The following DOK6 variants were observed in gnomAD, a reference collection of about 807,000 sequenced individuals.
The protein encoded by DOK6 is docking protein 6, also known as downstream of tyrosine kinase 6.
DOK6 carries 22 observed loss-of-function variants against 44.0 expected under a neutral mutation model. The observed-to-expected ratio is 0.50, with a 90% CI of 0.36 to 0.71. DOK6 has a LOEUF of 0.71. Ranked by LOEUF, DOK6 falls within the 30% of genes least tolerant of loss-of-function variation. The probability of loss-of-function intolerance (pLI) is 0.00; values close to 1 mark genes in which losing one functional copy is unlikely to be tolerated. For missense variants in DOK6, 340 were observed against 416.4 expected (o/e 0.82, Z 1.60); for synonymous variants, 166 against 145.5 (o/e 1.14, Z -1.01).
chr18:69,496,325 G>A (rs1450975251), intron 1 of DOK6, among the ~76,000 whole-genome samples: 1 of 152,242 alleles, frequency 6.6e-6, no homozygotes, highest in Non-Finnish European at 1.5e-5. Context: ...AGCTGCAGCT[G>A]CATACCGGGA....
At chr18:69,812,409 A>G (rs1415374893) in intron 7 of DOK6, among the ~76,000 whole-genome samples, 1 of 152,172 alleles carries the variant, frequency 6.6e-6, no homozygotes, top group Admixed American at 6.6e-5. Flanking sequence ...AAAATCTTTA[A>G]GAACAAATTG....
chr18:69,729,007 C>CA (rs1200710290), intron 5 of DOK6, among the ~76,000 whole-genome samples: 3 of 152,160 alleles, frequency 2.0e-5, no homozygotes, highest in African/African-American at 7.2e-5. Flanking sequence ...ATCAGATTTC[C>CA]ATGGGGTCAG....
intron 2 of DOK6, among the ~76,000 whole-genome samples, chr18:69,593,585 A>C (rs1349579613): frequency 6.6e-6 from 1 of 152,208 alleles, no homozygotes; most frequent in Non-Finnish European, 1.5e-5. Context: ...TAAATTTTAC[A>C]GAAGAGCAAA....
intron 3 of DOK6, among the ~76,000 whole-genome samples, chr18:69,645,428 T>C (rs1004853203): frequency 6.6e-6 from 1 of 152,182 alleles, no homozygotes; most frequent in Non-Finnish European, 1.5e-5. Flanking sequence ...TTCAATATAA[T>C]ACACACAGTG....
intron 7 of DOK6, among the ~76,000 whole-genome samples, chr18:69,830,929 TA>T (rs1981883496): frequency 6.6e-6 from 1 of 152,184 alleles, no homozygotes; most frequent in African/African-American, 2.4e-5. Context: ...TCTGAGCTTC[TA>T]ATTTATTTTT....
chr18:69,676,433 C>T (rs1985924058), intron 3 of DOK6, among the ~76,000 whole-genome samples: 1 of 151,870 alleles, frequency 6.6e-6, no homozygotes, highest in Non-Finnish European at 1.5e-5. Context: ...CAAGGAGAGC[C>T]CAGTGTTGGT....
At chr18:69,636,470 G>A (rs1984811991) in intron 3 of DOK6, among the ~76,000 whole-genome samples, 1 of 152,278 alleles carries the variant, frequency 6.6e-6, no homozygotes, top group South Asian at 2.1e-4. Flanking sequence ...AGCCATCCAG[G>A]CACATCCAGG....
chr18:69,445,934 A>T (rs1353513192), intron 1 of DOK6, among the ~76,000 whole-genome samples: 1 of 152,092 alleles, frequency 6.6e-6, no homozygotes, highest in Non-Finnish European at 1.5e-5. Context: ...TTTATATAAG[A>T]TCTGTAGTAA....
rs192448773 is a variant in DOK6 at position 69,757,631 on chromosome 18, G to A, written c.739-125G>A. 1.8e-4 allele frequency: 133 copies of A among 719,294 alleles called. 1 individual carries two copies. In the African/African-American group the frequency reaches 2.0e-3, roughly 11 times the overall value. 44.6% of individuals were successfully genotyped at this position (719,294 alleles called of 1,614,324 possible). On this transcript the variant is annotated intron_variant, in intron 6 of 7. Transcript: ENST00000382713. ...TACTTTAAAAGTTATCCTTACACCG[G>A]GGATCATGCAGGTATCTATAGCAGA...
intron 4 of DOK6, among the ~76,000 whole-genome samples, chr18:69,682,897 C>T (rs775653307): frequency 2.2e-4 from 33 of 152,132 alleles, no homozygotes; most frequent in Non-Finnish European, 1.0e-4. Context: ...CTCAATCAGG[C>T]AAGTCTGAAA....
intron 7 of DOK6, among the ~76,000 whole-genome samples, chr18:69,760,275 G>C (rs1166777833): frequency 6.6e-6 from 1 of 152,122 alleles, no homozygotes; most frequent in Non-Finnish European, 1.5e-5. Flanking sequence ...AATAAAAAGA[G>C]AAATTCAGAA....
intron 3 of DOK6, among the ~76,000 whole-genome samples, chr18:69,644,462 T>C (rs1985020241): frequency 6.6e-6 from 1 of 152,218 alleles, no homozygotes. Flanking sequence ...AAGTCAAGAT[T>C]ATCCTGCCTA....
At chr18:69,607,154 T>C (rs1472916023) in intron 3 of DOK6, among the ~76,000 whole-genome samples, 1 of 152,180 alleles carries the variant, frequency 6.6e-6, no homozygotes, top group African/African-American at 2.4e-5. Flanking sequence ...TAGGCCCTTT[T>C]TGAACAACCA....
At chr18:69,532,450 G>T (rs1205374393) in intron 1 of DOK6, among the ~76,000 whole-genome samples, 2 of 152,176 alleles carry the variant, frequency 1.3e-5, no homozygotes, top group East Asian at 1.9e-4. Flanking sequence ...CTGCCAATTT[G>T]CAGGTCAGAG....
At chr18:69,401,433 C>G in intron 1 of DOK6, 123 bp downstream of exon 1, 2 of 1,094,252 alleles carry the variant, frequency 1.8e-6, no homozygotes, top group South Asian at 2.3e-5. Flanking sequence ...GGCCCTTAGG[C>G]GGATGGCCCG....
chr18:69,702,154 T>TTTA (rs1555725021), intron 5 of DOK6, among the ~76,000 whole-genome samples: 1 of 149,010 alleles, frequency 6.7e-6, no homozygotes, highest in Non-Finnish European at 1.5e-5. Context: ...TTTTTTTTTT[T>TTTA]AAATATCATT....
At chr18:69,640,797 C>T (rs147057793) in intron 3 of DOK6, among the ~76,000 whole-genome samples, 1 of 152,308 alleles carries the variant, frequency 6.6e-6, no homozygotes, top group African/African-American at 2.4e-5. Context: ...GAATGCTTTT[C>T]ATTAAATGAT....
chr18:69,561,020 A>G (rs1173281661), intron 1 of DOK6, among the ~76,000 whole-genome samples: 1 of 152,188 alleles, frequency 6.6e-6, no homozygotes, highest in African/African-American at 2.4e-5. Flanking sequence ...AGAATTGTAT[A>G]TCACTAGGAA....
intron 2 of DOK6, among the ~76,000 whole-genome samples, chr18:69,594,638 G>T (rs1983699605): frequency 6.7e-6 from 1 of 149,830 alleles, no homozygotes; most frequent in Non-Finnish European, 1.5e-5. Flanking sequence ...GATTGGAAAA[G>T]AAGTCAAATT....
Sources: gnomAD v4.1 joint callset for allele counts (sites outside exome capture counted in the v4.1 genomes callset) on GRCh38, gnomAD v4.1.1 for gene constraint, MANE v1.5 for transcripts, NCBI Gene and HGNC (gene_info 2026-07-23, HGNC 2026-07-21) for gene names.